Variants in CHN2 observed in about 807,000 individuals in gnomAD.
The protein encoded by CHN2 is chimerin 2.
In CHN2, 35 loss-of-function variants were observed where a neutral mutation model predicts 56.3. The observed-to-expected ratio is 0.62, with a 90% CI of 0.47 to 0.82. The LOEUF (loss-of-function observed/expected upper bound fraction) is 0.82. Ranked by LOEUF, CHN2 falls within the 40% of genes least tolerant of loss-of-function variation. CHN2 has a pLI of 0.00. For synonymous variants in CHN2, 210 were observed against 212.8 expected (o/e 0.99, Z 0.12); for missense variants, 491 against 580.5 (o/e 0.85, Z 1.58).
intron 1 of CHN2, chr7:29,213,061 C>T (rs113419286): frequency 0.16 from 260,653 of 1,593,516 alleles, 24,774 homozygotes; most frequent in Non-Finnish European, 0.19. Flanking sequence ...CATGCAGTTC[C>T]AGCCAAATTC....
At chr7:29,431,280 T>C (rs1463225260) in intron 6 of CHN2, among the ~76,000 whole-genome samples, 2 of 152,180 alleles carry the variant, frequency 1.3e-5, no homozygotes, top group Non-Finnish European at 2.9e-5. Context: ...AGGCTTATTT[T>C]GACAATCAGA....
chr7:29,255,631 G>C (rs1225670929), intron 1 of CHN2, among the ~76,000 whole-genome samples: 2 of 152,214 alleles, frequency 1.3e-5, no homozygotes, highest in African/African-American at 4.8e-5. Context: ...AGTTGGAACT[G>C]ACCTTGCAGA....
chr7:29,147,156 C>G, intron 2 of CHN2: 2 of 726,978 alleles, frequency 2.8e-6, no homozygotes, highest in Non-Finnish European at 4.4e-6. Flanking sequence ...TAGCCACCAC[C>G]AGGTGCTGGG....
chr7:29,512,723 C>A lies in CHN2; in HGVS notation c.1395C>A (p.Asp465Glu), dbSNP rs143270987. The A allele has an allele frequency of 1.2e-6, 2 of 1,613,968 alleles. No individual in the cohort carries two copies. ...TGCAGATTTTAATAGAAAACGAAGACGTTTTATTCTAATCCATCAGGGAAA... is the reference window on the plus strand; with the variant it reads ...TGCAGATTTTAATAGAAAACGAAGAAGTTTTATTCTAATCCATCAGGGAAA... ...LIVQILIENE[D>E]VLF is the part of the protein sequence containing the mutation. The change falls in exon 13 of 13, where the codon GAC becomes GAA. Residue 465 changes from aspartate (D) to glutamate (E), a missense_variant. Transcript: ENST00000222792.
At chr7:29,235,493 A>G (rs1396046443) in intron 1 of CHN2, among the ~76,000 whole-genome samples, 1 of 152,194 alleles carries the variant, frequency 6.6e-6, no homozygotes, top group African/African-American at 2.4e-5. Flanking sequence ...AGAACTTACT[A>G]ATAAAACAGA....
chr7:29,464,672 T>C (rs1785420649), intron 6 of CHN2, among the ~76,000 whole-genome samples: 1 of 152,208 alleles, frequency 6.6e-6, no homozygotes, highest in South Asian at 2.1e-4. Flanking sequence ...TGGCTACTCA[T>C]GATACACCCA....
intron 1 of CHN2, among the ~76,000 whole-genome samples, chr7:29,338,562 A>G (rs1796802083): frequency 1.3e-5 from 2 of 152,098 alleles, no homozygotes; most frequent in African/African-American, 4.8e-5. Flanking sequence ...TACCTGTTTT[A>G]TAAGCTGGTT....
chr7:29,454,749 G>T (rs1486979801), intron 6 of CHN2, among the ~76,000 whole-genome samples: 1 of 152,098 alleles, frequency 6.6e-6, no homozygotes, highest in Non-Finnish European at 1.5e-5. Context: ...AACTTCAGAT[G>T]GAACAAGGAA....
intron 1 of CHN2, among the ~76,000 whole-genome samples, chr7:29,340,721 C>G (rs1171333765): frequency 6.6e-6 from 1 of 152,218 alleles, no homozygotes; most frequent in Non-Finnish European, 1.5e-5. Flanking sequence ...TACTGAGTTT[C>G]CCTCACAGGC....
At chr7:29,329,937 T>G (rs1209958902) in intron 1 of CHN2, among the ~76,000 whole-genome samples, 1 of 152,236 alleles carries the variant, frequency 6.6e-6, no homozygotes, top group Non-Finnish European at 1.5e-5. Context: ...TCTCACTGTC[T>G]GGACTATTCA....
intron 2 of CHN2, among the ~76,000 whole-genome samples, chr7:29,172,201 C>T (rs976060648): frequency 6.6e-6 from 1 of 152,134 alleles, no homozygotes; most frequent in African/African-American, 2.4e-5. Context: ...GGGCATCTTA[C>T]TGTAAATCAT....
chr7:29,420,447 C>T (rs1804219366), intron 6 of CHN2, among the ~76,000 whole-genome samples: 1 of 152,184 alleles, frequency 6.6e-6, no homozygotes, highest in African/African-American at 2.4e-5. Context: ...GCTTTAGCTT[C>T]AAAAGGAAGG....
Position 29,512,653 on chromosome 7 carries a change from GCACCCTGAC to G in CHN2, c.1333_1341del (p.Thr445_Leu447del). The G allele has an allele frequency of 6.2e-7, 1 of 1,614,114 alleles. No homozygotes were observed. The highest frequency in any genetic ancestry group is 8.5e-7 in the Non-Finnish European group (1 of 1,179,974). ...ACTCTGATGAGGCCCCCTGAGGACA[GCACCCTGAC>G]CACCCTGCATGATATGCGGTACCAA... On this transcript the variant is annotated inframe_deletion, in exon 13 of 13. Transcript: ENST00000222792.
chr7:29,436,072 A>G (rs140060573), intron 6 of CHN2, among the ~76,000 whole-genome samples: 7 of 152,266 alleles, frequency 4.6e-5, no homozygotes, highest in Non-Finnish European at 8.8e-5. Context: ...TGCAGCATGC[A>G]TGGCAAGCCC....
intron 2 of CHN2, among the ~76,000 whole-genome samples, chr7:29,157,053 G>C (rs1015274583): frequency 6.6e-6 from 1 of 152,158 alleles, no homozygotes; most frequent in African/African-American, 2.4e-5. Context: ...TGGAAAGGAA[G>C]CCAGCCTCCT....
intron 2 of CHN2, among the ~76,000 whole-genome samples, chr7:29,149,297 A>G (rs1793251477): frequency 1.4e-5 from 2 of 145,882 alleles, no homozygotes; most frequent in African/African-American, 5.1e-5. Context: ...GGTTCAAGCG[A>G]TTCCCTGCTT....
At chr7:29,212,600 G>C (rs1264603471) in intron 1 of CHN2, 5 of 1,407,136 alleles carry the variant, frequency 3.6e-6, no homozygotes, top group Non-Finnish European at 5.0e-6. Context: ...GACCAGAACT[G>C]TGTTTTCTTC....
chr7:29,302,500 C>CTTTT (rs70980525), intron 1 of CHN2, among the ~76,000 whole-genome samples: 2,372 of 117,684 alleles, frequency 0.02, 97 homozygotes, highest in African/African-American at 0.064. Context: ...AATTTTAATT[C>CTTTT]TTTTTTTTTT....
In CHN2 at chr7:29,446,687, C is replaced by T. The variant is rs980189951; in HGVS notation, c.577-33592C>T. Among the ~76,000 whole-genome samples the T allele has an allele frequency of 3.3e-5, 5 of 152,168 alleles. No individual in the cohort carries two copies. The East Asian group carries it at 7.7e-4, about 23-fold the overall frequency. On this transcript the variant is annotated intron_variant, in intron 6 of 12. Transcript: ENST00000222792. Reference sequence around the variant, plus strand: ...ATCTGGGTTACTGTTAGGGGTCTCCCTGGAGTATTCAGCAGATATCAGTGC... The same window carrying T: ...ATCTGGGTTACTGTTAGGGGTCTCCTTGGAGTATTCAGCAGATATCAGTGC...
Sources: allele counts gnomAD v4.1 joint callset (sites outside exome capture counted in the v4.1 genomes callset), GRCh38; gene constraint gnomAD v4.1.1; transcripts MANE v1.5; gene names NCBI Gene and HGNC (gene_info 2026-07-23, HGNC 2026-07-21).